Variants in ROR2 observed in about 807,000 individuals in gnomAD.
The protein encoded by ROR2 is tyrosine-protein kinase transmembrane receptor ROR2.
ROR2 carries 33 observed loss-of-function variants against 74.9 expected under a neutral mutation model. The observed-to-expected ratio is 0.44, with a 90% CI of 0.33 to 0.59. The LOEUF is 0.59. Among genes scored for constraint, ROR2 ranks in the 20% least tolerant of loss-of-function variants. ROR2 has a pLI of 0.02. For missense variants in ROR2, 1,216 were observed against 1,313.8 expected, an observed-to-expected ratio of 0.93 and a Z score of 1.15; for synonymous variants, 586 against 558.7, an observed-to-expected ratio of 1.05 and a Z score of -0.69.
intron 1 of ROR2, among the ~76,000 whole-genome samples, chr9:91,869,706 C>A (rs1459158359): frequency 6.6e-6 from 1 of 152,178 alleles, no homozygotes; most frequent in Non-Finnish European, 1.5e-5. Flanking sequence ...CACAAGGCAG[C>A]TGCAATTGCT....
chr9:91,792,453 C>CAT (rs1564279587), intron 1 of ROR2, among the ~76,000 whole-genome samples: 1 of 152,044 alleles, frequency 6.6e-6, no homozygotes, highest in Non-Finnish European at 1.5e-5. Context: ...GGACTACAGG[C>CAT]GCCCGCCACC....
rs536512089 is a variant in ROR2 at position 91,784,380 on chromosome 9, C to CA, written c.98-8563dup. 1.4e-4 allele frequency among the ~76,000 whole-genome samples: 22 copies of CA among 152,370 alleles called. No homozygotes were observed. In the East Asian group the frequency reaches 1.5e-3, roughly 11 times the overall value. On this transcript the variant is annotated intron_variant, in intron 1 of 8. Coordinates refer to ENST00000375708, the MANE Select transcript of ROR2 (RefSeq NM_004560.4). Reference sequence around the variant, plus strand: ...CATGCAGCAGCCACAGGAAGCCTCTCAAAGGGGCTTCAAATCCTGTCACCT... The same window carrying CA: ...CATGCAGCAGCCACAGGAAGCCTCTCAAAAGGGGCTTCAAATCCTGTCACCT...
rs1309442255 is a variant in ROR2 at position 91,949,878 on chromosome 9, G to C, written c.86C>G (p.Ser29Cys). ...ACGCCAGATCCTACCTGAAGTCCGG[G>C]ACACTGAGAGCAGAAGCGCGGCGGC... Reference protein sequence around the residue: ...WAAAALLLSVSRTSGEVEVLD... With the variant: ...WAAAALLLSVCRTSGEVEVLD... The change falls in exon 1 of 9, where the codon TCC (serine) becomes TGC (cysteine). Residue 29 changes from serine (S) to cysteine (C), a missense_variant. Coordinates refer to ENST00000375708, the MANE Select transcript of ROR2 (RefSeq NM_004560.4). 4 of 1,539,914 alleles carry C rather than the reference G, an allele frequency of 2.6e-6. No homozygotes were observed. Among genetic ancestry groups the C allele is most frequent in the Non-Finnish European group, 8.8e-7 (1 of 1,139,838 alleles).
At chr9:91,725,142 T>G in intron 8 of ROR2, 35 bp from the exon 9 acceptor site, 2 of 1,610,652 alleles carry the variant, frequency 1.2e-6, no homozygotes. Context: ...GAAACATCAC[T>G]GTCACCGCAG....
chr9:91,873,463 C>A (rs148224793), intron 1 of ROR2, among the ~76,000 whole-genome samples: 1 of 152,160 alleles, frequency 6.6e-6, no homozygotes, highest in Non-Finnish European at 1.5e-5. Context: ...TGGTGGGCGC[C>A]TACATTCCCA....
chr9:91,807,422 A>C (rs2119086972), intron 1 of ROR2, among the ~76,000 whole-genome samples: 1 of 152,382 alleles, frequency 6.6e-6, no homozygotes, highest in Non-Finnish European at 1.5e-5. Flanking sequence ...CTGGCTGTTC[A>C]TCTGGATCCT....
At chr9:91,879,061 CA>C (rs1830032917) in intron 1 of ROR2, among the ~76,000 whole-genome samples, 1 of 151,032 alleles carries the variant, frequency 6.6e-6, no homozygotes, top group African/African-American at 2.4e-5. Flanking sequence ...AAAAACAAAA[CA>C]AAACAAACAA....
At position 91,803,800 on chromosome 9, in the gene ROR2, G is replaced by A. The variant is rs1169003296; in HGVS notation, c.98-27982C>T. Among the ~76,000 whole-genome samples, 3 of 152,194 alleles carry A rather than the reference G, an allele frequency of 2.0e-5. No homozygotes were observed. In the East Asian group the frequency reaches 5.8e-4, roughly 29 times the overall value. ...AGCATGTGGCCTTGTGCATAAAACC[G>A]ACAGCTTATACTTTCCAGGGACCTT... On this transcript the variant is annotated intron_variant, in intron 1 of 8. Transcript: ENST00000375708.
intron 1 of ROR2, among the ~76,000 whole-genome samples, chr9:91,864,175 C>T (rs1829557963): frequency 6.6e-6 from 1 of 152,186 alleles, no homozygotes; most frequent in Non-Finnish European, 1.5e-5. Flanking sequence ...CTCTGTGTTC[C>T]CCGAATTCAA....
chr9:91,925,246 T>C (rs1831365284), intron 1 of ROR2, among the ~76,000 whole-genome samples: 1 of 152,072 alleles, frequency 6.6e-6, no homozygotes, highest in African/African-American at 2.4e-5. Flanking sequence ...CCTAGTCTTC[T>C]AGAAGAGGAC....
chr9:91,796,633 G>A (rs1460025102), intron 1 of ROR2, among the ~76,000 whole-genome samples: 1 of 151,994 alleles, frequency 6.6e-6, no homozygotes, highest in Non-Finnish European at 1.5e-5. Context: ...TGGGCTCAGT[G>A]GGAGGGGTTG....
At chr9:91,770,867 C>T (rs1226627389) in intron 2 of ROR2, among the ~76,000 whole-genome samples, 1 of 152,146 alleles carries the variant, frequency 6.6e-6, no homozygotes, top group Non-Finnish European at 1.5e-5. Flanking sequence ...GCCAGGAGTT[C>T]CAGAATAAAC....
At chr9:91,901,361 T>C (rs1830673260) in intron 1 of ROR2, among the ~76,000 whole-genome samples, 1 of 152,186 alleles carries the variant, frequency 6.6e-6, no homozygotes, top group Non-Finnish European at 1.5e-5. Context: ...GATAGTTTAC[T>C]AGTTGCCTCA....
chr9:91,842,211 G>T (rs541893997), intron 1 of ROR2, among the ~76,000 whole-genome samples: 1 of 152,304 alleles, frequency 6.6e-6, no homozygotes, highest in East Asian at 1.9e-4. Context: ...ATGGACAGCA[G>T]GTGAAGGAAG....
At chr9:91,821,834 G>A (rs1425125073) in intron 1 of ROR2, among the ~76,000 whole-genome samples, 1 of 152,128 alleles carries the variant, frequency 6.6e-6, no homozygotes, top group Non-Finnish European at 1.5e-5. Context: ...CTACTCAGCA[G>A]GTCCAAGGCA....
chr9:91,795,447 T>C (rs537938300), intron 1 of ROR2, among the ~76,000 whole-genome samples: 1 of 152,384 alleles, frequency 6.6e-6, no homozygotes, highest in South Asian at 2.1e-4. Flanking sequence ...AAAATACATG[T>C]AATTGCCAAC....
chr9:91,803,730 C>A (rs1202116990), intron 1 of ROR2, among the ~76,000 whole-genome samples: 1 of 152,194 alleles, frequency 6.6e-6, no homozygotes, highest in Non-Finnish European at 1.5e-5. Flanking sequence ...TTGGGGGGCC[C>A]ACAGCCCTAC....
At chr9:91,805,307 G>A (rs146125888) in intron 1 of ROR2, among the ~76,000 whole-genome samples, 5 of 152,356 alleles carry the variant, frequency 3.3e-5, no homozygotes, top group Non-Finnish European at 7.3e-5. Flanking sequence ...AGATTTGAGA[G>A]ACCATCATCC....
chr9:91,932,342 C>T (rs902824668), intron 1 of ROR2, among the ~76,000 whole-genome samples: 1 of 152,006 alleles, frequency 6.6e-6, no homozygotes, highest in Non-Finnish European at 1.5e-5. Context: ...AAACTTAAGA[C>T]TTACCGCATG....
Sources: gnomAD v4.1 joint callset for allele counts (sites outside exome capture counted in the v4.1 genomes callset) on GRCh38, gnomAD v4.1.1 for gene constraint, MANE v1.5 for transcripts, NCBI Gene and HGNC (gene_info 2026-07-23, HGNC 2026-07-21) for gene names.